The following ZC3H12D variants were observed in gnomAD, a reference collection of about 807,000 sequenced individuals.
ZC3H12D encodes the protein zinc finger CCCH-type containing 12D, also known as probable ribonuclease ZC3H12D.
ZC3H12D carries 11 observed loss-of-function variants against 24.2 expected under a neutral mutation model. That is an observed-to-expected ratio of 0.46 (90% confidence interval 0.29 to 0.75). The LOEUF (loss-of-function observed/expected upper bound fraction) is 0.75, where lower values mean the gene tolerates loss of function less well. Ranked by LOEUF, ZC3H12D falls within the 30% of genes least tolerant of loss-of-function variation. The pLI, the probability that ZC3H12D is intolerant of heterozygous loss-of-function variation, is 0.11. For missense variants in ZC3H12D, 740 were observed against 767.7 expected, an observed-to-expected ratio of 0.96 and a Z score of 0.43; for synonymous variants, 333 against 341.8, an observed-to-expected ratio of 0.97 and a Z score of 0.28.
chr6:149,477,682 AC>A (rs75872723), intron 1 of ZC3H12D, among the ~76,000 whole-genome samples: 6,909 of 152,058 alleles, frequency 0.045, 418 homozygotes, highest in East Asian at 0.31. Context: ...TGTCTTGCTC[AC>A]ACCTCCCACT....
At chr6:149,457,018 G>T in intron 3 of ZC3H12D, 118 bp from the exon 4 acceptor site, 2 of 956,504 alleles carry the variant, frequency 2.1e-6, no homozygotes, top group South Asian at 3.3e-5. Flanking sequence ...GAGGGGAGCG[G>T]GGAAAAAACA....
Position 149,456,889 on chromosome 6 carries a change from G to A in ZC3H12D, c.457C>T (p.Leu153=). The A allele has an allele frequency of 6.2e-7, 1 of 1,601,630 alleles. No homozygotes were observed. Among genetic ancestry groups the A allele is most frequent in the Non-Finnish European group, 8.5e-7 (1 of 1,178,340 alleles). The change falls in exon 4 of 6, where the codon CTG becomes TTG. Residue 153 remains leucine, a synonymous_variant. Coordinates refer to ENST00000409806, the MANE Select transcript of ZC3H12D (RefSeq NM_207360.3). This position sits in a 1 kb window ranked among gnomAD's most constrained non-coding sequence, Gnocchi z 4.3. ...ADTPIREQHV[L]AELERQAVLV... is the part of the protein sequence containing the mutation. ...ACCGCCTGCCGCTCCAGCTCCGCCA[G>A]CACGTGCTGCTCTGAGGGCGGGGCG...
chr6:149,473,830 C>A (rs951325151), intron 2 of ZC3H12D, among the ~76,000 whole-genome samples: 1 of 152,130 alleles, frequency 6.6e-6, no homozygotes, highest in Non-Finnish European at 1.5e-5. Context: ...AGTCTCGCAG[C>A]CGGTTAGGGA....
rs145282148 is a variant in ZC3H12D at position 149,471,199 on chromosome 6, C to T, written c.305+3040G>A. Among the ~76,000 whole-genome samples, 478 of 152,374 alleles carry T rather than the reference C, an allele frequency of 3.1e-3. 3 individuals carry two copies. Among genetic ancestry groups the T allele is most frequent in the Middle Eastern group, 0.01 (3 of 294 alleles). The stretch of plus-strand genomic sequence containing the variant: ...AACCTCCAGAGAGCAGCAGCCAGGT[C>T]TTCTGGGTTCAGCCAAGCACGACCA... On this transcript the variant is annotated intron_variant, in intron 2 of 5. Coordinates refer to ENST00000409806, the MANE Select transcript of ZC3H12D (RefSeq NM_207360.3).
rs544679101 is a variant in ZC3H12D, at chr6:149,456,337, C to G, written c.680+329G>C. ...CAATACAACAAAGTACAGATCTTTTCCATGATGACTATTTCAATATTCTGA... is the reference window on the plus strand; with the variant it reads ...CAATACAACAAAGTACAGATCTTTTGCATGATGACTATTTCAATATTCTGA... On this transcript the variant is annotated intron_variant, in intron 4 of 5. Transcript: ENST00000409806. This position sits in a 1 kb window ranked among gnomAD's most constrained non-coding sequence, Gnocchi z 4.3. Among the ~76,000 whole-genome samples the G allele has an allele frequency of 2.6e-5, 4 of 152,270 alleles. No homozygotes were observed. The South Asian group carries it at 8.3e-4, about 32-fold the overall frequency.
chr6:149,481,951 C>A (rs763384436), intron 1 of ZC3H12D, among the ~76,000 whole-genome samples: 1 of 152,208 alleles, frequency 6.6e-6, no homozygotes, highest in Non-Finnish European at 1.5e-5. Context: ...TTGTAACTTG[C>A]GCTCCATGTG....
At chr6:149,462,608 A>C (rs1377607021) in intron 2 of ZC3H12D, among the ~76,000 whole-genome samples, 1 of 152,166 alleles carries the variant, frequency 6.6e-6, no homozygotes, top group East Asian at 1.9e-4. Context: ...TGTTGCCAAA[A>C]GAGATTAATA....
chr6:149,471,650 G>A (rs1308344529), intron 2 of ZC3H12D, among the ~76,000 whole-genome samples: 1 of 152,194 alleles, frequency 6.6e-6, no homozygotes, highest in Non-Finnish European at 1.5e-5. Flanking sequence ...ATCATTTCAG[G>A]CCATTGCTGG....
intron 1 of ZC3H12D, among the ~76,000 whole-genome samples, chr6:149,476,570 G>T (rs543624284): frequency 1.3e-5 from 2 of 152,246 alleles, no homozygotes; most frequent in South Asian, 2.1e-4. Flanking sequence ...TACCCTGGGG[G>T]GCCGAGGCAG....
chr6:149,474,370 T>C lies in ZC3H12D; in HGVS notation c.174A>G (p.Leu58=). 6.2e-7 allele frequency: 1 copy of C among 1,608,142 alleles called. No individual in the cohort carries two copies. The highest frequency in any genetic ancestry group is 8.5e-7 in the Non-Finnish European group (1 of 1,175,784). ...GGACCCCACAGGAGCCCCGAGGCAC[T>C]AGCCTGGGTGCAGCCGGGTGCTCCA... ...GALEHPAAPR[L]VPRGSCGVPD... Residue 58 remains leucine, a synonymous_variant, in exon 2 of 6, where the codon CTA becomes CTG. Transcript: ENST00000409806.
chr6:149,469,106 G>T (rs1776204545), intron 2 of ZC3H12D, among the ~76,000 whole-genome samples: 1 of 152,158 alleles, frequency 6.6e-6, no homozygotes, highest in African/African-American at 2.4e-5. Context: ...TTCTAGATTT[G>T]CCTACAGAAT....
At position 149,456,938 on chromosome 6, in the gene ZC3H12D, A is replaced by AG. The variant is rs1775994203; in HGVS notation, c.446-39dup. Reference sequence around the variant, plus strand: ...CGACGGAGACGCGGGTGAGGGCCCAAGGGCACCGCCCCTGAGAACCACCCC... The same window carrying AG: ...CGACGGAGACGCGGGTGAGGGCCCAAGGGGCACCGCCCCTGAGAACCACCCC... On this transcript the variant is annotated intron_variant, in intron 3 of 5. Coordinates refer to ENST00000409806, the MANE Select transcript of ZC3H12D (RefSeq NM_207360.3). The surrounding 1 kb of genome is among the most constrained non-coding windows in gnomAD (Gnocchi z 4.3). 1.3e-6 allele frequency: 2 copies of AG among 1,574,016 alleles called. No homozygotes were observed. The highest frequency in any genetic ancestry group is 1.7e-6 in the Non-Finnish European group (2 of 1,160,896).
At position 149,449,925 on chromosome 6, in the gene ZC3H12D, C is replaced by CTCTGTGTGTGTGTGTGTG. The variant is rs1554268600; in HGVS notation, c.*757_*758insCACACACACACACACAGA. On this transcript the variant is annotated 3_prime_UTR_variant, in exon 6 of 6. Transcript: ENST00000409806. ...TGTGAGTATGTACATGTATGATAGA[C>CTCTGTGTGTGTGTGTGTG]TGTGTGTGTGTGTGTGTGTGTGTGT... 1.4e-5 allele frequency: 2 copies of CTCTGTGTGTGTGTGTGTG among 143,990 alleles called. No homozygotes were observed. Among genetic ancestry groups the CTCTGTGTGTGTGTGTGTG allele is most frequent in the Admixed American group, 6.9e-5 (1 of 14,552 alleles). The allele number at this position is 143,990 out of a possible 1,614,324, so 8.9% of individuals were successfully genotyped here.
chr6:149,456,831 C>T lies in ZC3H12D; in HGVS notation c.515G>A (p.Gly172Asp), dbSNP rs763778722. The T allele has an allele frequency of 6.2e-7, 1 of 1,611,876 alleles. No homozygotes were observed. Among genetic ancestry groups the T allele is most frequent in the Non-Finnish European group, 8.5e-7 (1 of 1,179,760 alleles). ...GTCGTCGTAGCAGACCAGGCGCTTG[C>T]CGTGCACCTTGCGGGACGGCGTGTA... The part of the protein sequence containing the change: ...LVYTPSRKVH[G>D]KRLVCYDDRY... The change falls in exon 4 of 6, where the codon GGC becomes GAC. Residue 172 changes from glycine (G) to aspartate (D), a missense_variant. By Grantham distance (94) the Gly-to-Asp change is moderately conservative. Transcript: ENST00000409806. This position sits in a 1 kb window ranked among gnomAD's most constrained non-coding sequence, Gnocchi z 4.3.
intron 2 of ZC3H12D, among the ~76,000 whole-genome samples, chr6:149,468,667 G>C (rs1039489657): frequency 6.6e-6 from 1 of 152,184 alleles, no homozygotes; most frequent in Non-Finnish European, 1.5e-5. Flanking sequence ...AGGGGAAAGA[G>C]ACCGTGAGCA....
At position 149,452,259 on chromosome 6, in the gene ZC3H12D, G is replaced by T. The variant is rs145480753; in HGVS notation, c.787+357C>A. The T allele has an allele frequency of 6.2e-5, 14 of 227,008 alleles. No individual in the cohort carries two copies. Among genetic ancestry groups the T allele is most frequent in the Non-Finnish European group, 1.0e-4 (12 of 116,920 alleles). The allele number at this position is 227,008 out of a possible 1,614,324, so 14.1% of individuals were successfully genotyped here. A position where few individuals can be genotyped will look rare whatever the true frequency, so the allele number is the denominator to read the frequency against. On this transcript the variant is annotated intron_variant, in intron 5 of 5. Transcript: ENST00000409806. This position sits in a 1 kb window ranked among gnomAD's most constrained non-coding sequence, Gnocchi z 4.0. ...GTGACCAAAGTCCATAGGGTGGAGG[G>T]GTGGAGAGCAGGGTAGGGTGAGGAC...
At chr6:149,481,744 C>T (rs1776429080) in intron 1 of ZC3H12D, among the ~76,000 whole-genome samples, 1 of 148,734 alleles carries the variant, frequency 6.7e-6, no homozygotes, top group Non-Finnish European at 1.5e-5. Flanking sequence ...ACAAGTGTTC[C>T]CTTCCCGAGG....
chr6:149,464,927 G>A (rs143454716), intron 2 of ZC3H12D, among the ~76,000 whole-genome samples: 18 of 152,308 alleles, frequency 1.2e-4, no homozygotes, highest in Admixed American at 1.0e-3. Context: ...TACGCCACTC[G>A]TGCCTTCTCC....
intron 3 of ZC3H12D, among the ~76,000 whole-genome samples, chr6:149,458,968 G>A (rs1256168947): frequency 2.6e-5 from 4 of 152,082 alleles, no homozygotes; most frequent in Non-Finnish European, 5.9e-5. Flanking sequence ...TCTTTGATTT[G>A]GAGAAGTTCT....
Sources: gnomAD v4.1 joint callset for allele counts (sites outside exome capture counted in the v4.1 genomes callset) on GRCh38, gnomAD v4.1.1 for gene constraint, Gnocchi (gnomAD v3.1) non-coding constraint, MANE v1.5 for transcripts, NCBI Gene and HGNC (gene_info 2026-07-23, HGNC 2026-07-21) for gene names.